Variants in TOB1 observed in about 807,000 individuals in gnomAD.
TOB1 encodes the protein transducer of ERBB2, 1.
TOB1 carries 2 observed loss-of-function variants against 22.9 expected under a neutral mutation model. The observed-to-expected ratio is 0.09, with a 90% CI of 0.04 to 0.28. The LOEUF is 0.28. Among genes scored for constraint, TOB1 ranks in the 10% least tolerant of loss-of-function variants. The pLI, the probability that TOB1 is intolerant of heterozygous loss-of-function variation, is 1.00. For synonymous variants in TOB1, 154 were observed against 150.6 expected, an observed-to-expected ratio of 1.02 and a Z score of -0.17; for missense variants, 299 against 420.5, an observed-to-expected ratio of 0.71 and a Z score of 2.53.
In TOB1 at chr17:50,864,998, C is replaced by T. The variant is rs531310206; in HGVS notation, c.-146-835G>A. On this transcript the variant is annotated intron_variant, in intron 1 of 1. Transcript: ENST00000499247. ...TTTTAAAAAACCTCCGTCTGTCCCT[C>T]TCTCCCTCCCTCCCTCTCACGGTAA... Among the ~76,000 whole-genome samples the T allele has an allele frequency of 2.3e-3, 353 of 152,308 alleles. 2 individuals are homozygous for T. Among genetic ancestry groups the T allele is most frequent in the African/African-American group, 8.4e-3 (348 of 41,544 alleles).
chr17:50,867,117 T>G (rs935283329), upstream of TOB1: 9 of 152,318 alleles, frequency 5.9e-5, no homozygotes, highest in African/African-American at 1.9e-4. Context: ...TTCCGCAGCC[T>G]CAGGCCTCCC....
At chr17:50,865,480 G>C (rs967580562) in intron 1 of TOB1, among the ~76,000 whole-genome samples, 1 of 152,136 alleles carries the variant, frequency 6.6e-6, no homozygotes, top group Non-Finnish European at 1.5e-5. Context: ...AGCAGCAACA[G>C]CAAGAGGAGG....
Position 50,865,477 on chromosome 17 carries a change from ACAG to A in TOB1, c.-147+578_-147+580del, listed in dbSNP as rs1304287224. On this transcript the variant is annotated intron_variant, in intron 1 of 1. Coordinates refer to ENST00000499247, the MANE Select transcript of TOB1 (RefSeq NM_005749.4). ...GAGCCCAAGCGCTACAGCAGCAGCA[ACAG>A]CAAGAGGAGGTGGAGGTGGAGGAGG... Among the ~76,000 whole-genome samples the A allele has an allele frequency of 2.6e-5, 4 of 152,116 alleles. No individual in the cohort carries two copies. In the East Asian group the frequency reaches 7.7e-4, roughly 29 times the overall value.
upstream of TOB1, chr17:50,867,507 G>C (rs1597991938): frequency 1.3e-5 from 2 of 152,180 alleles, no homozygotes; most frequent in Non-Finnish European, 2.9e-5. Context: ...TAGCAACGAC[G>C]CCTGATTGGC....
chr17:50,862,773 G>T lies in TOB1; in HGVS notation c.*207C>A. 1.6e-6 allele frequency: 1 copy of T among 621,576 alleles called. No individual in the cohort carries two copies. Among genetic ancestry groups the T allele is most frequent in the Non-Finnish European group, 2.5e-6 (1 of 405,158 alleles). The allele number at this position is 621,576 out of a possible 1,614,324, so 38.5% of individuals were successfully genotyped here. On this transcript the variant is annotated 3_prime_UTR_variant, in exon 2 of 2. Transcript: ENST00000499247. ...AAATACTGTAAGAGGCCATATCTGAGAGTATACTTTAAAATATACAGTCAG... is the reference window on the plus strand; with the variant it reads ...AAATACTGTAAGAGGCCATATCTGATAGTATACTTTAAAATATACAGTCAG...
upstream of TOB1, chr17:50,866,480 C>CCCGG (rs912738179): frequency 1.3e-5 from 2 of 152,332 alleles, no homozygotes. Context: ...GCGCTCCCCG[C>CCCGG]CCGGCACCCC....
rs376978015 is a variant in TOB1, at chr17:50,862,713, A to G, written c.*267T>C. ...AACCCACTTATTAGTGCCAATTTTTATAAAAAAAAATCAGCCATGTCCTTG... is the reference window on the plus strand; with the variant it reads ...AACCCACTTATTAGTGCCAATTTTTGTAAAAAAAAATCAGCCATGTCCTTG... On this transcript the variant is annotated 3_prime_UTR_variant, in exon 2 of 2. Transcript: ENST00000499247. The G allele has an allele frequency of 3.9e-4, 132 of 337,782 alleles. 1 individual carries two copies. In the East Asian group the frequency reaches 6.1e-3, roughly 15 times the overall value. The allele number at this position is 337,782 out of a possible 1,614,324, so 20.9% of individuals were successfully genotyped here.
chr17:50,862,920 GA>G lies in TOB1; in HGVS notation c.*59del, dbSNP rs546261730. ...TAAAAAAAAAAATTCTCAAGGAGGT[GA>G]AAAAAAAAATCCCCCTTGGGCCCGT... On this transcript the variant is annotated 3_prime_UTR_variant, in exon 2 of 2. Coordinates refer to ENST00000499247, the MANE Select transcript of TOB1 (RefSeq NM_005749.4). 1,833 of 1,373,600 alleles carry G rather than the reference GA, an allele frequency of 1.3e-3. No individual in the cohort carries two copies. Among genetic ancestry groups the G allele is most frequent in the South Asian group, 4.6e-3 (282 of 61,426 alleles). 85.1% of individuals were successfully genotyped at this position (1,373,600 alleles called of 1,614,324 possible).
rs965016181 is a variant in TOB1, at chr17:50,863,655, T to C, written c.363A>G (p.Gly121=). The change falls in exon 2 of 2, where the codon GGA becomes GGG. Residue 121 remains glycine (G), a synonymous_variant. Coordinates refer to ENST00000499247, the MANE Select transcript of TOB1 (RefSeq NM_005749.4). Reference sequence around the variant, plus strand: ...TTTTGATCTCCTTATCCAACTCACATCCATTTTCATTATTATCATCCACGT... The same window carrying C: ...TTTTGATCTCCTTATCCAACTCACACCCATTTTCATTATTATCATCCACGT... ...VLYVDDNNEN[G]CELDKEIKNS... 1 of 1,614,164 alleles carries C rather than the reference T, an allele frequency of 6.2e-7. No homozygotes were observed. The highest frequency in any genetic ancestry group is 8.5e-7 in the Non-Finnish European group (1 of 1,180,034).
intron 1 of TOB1, among the ~76,000 whole-genome samples, chr17:50,865,681 G>A (rs896166954): frequency 2.0e-5 from 3 of 151,888 alleles, no homozygotes; most frequent in African/African-American, 7.3e-5. Context: ...CCGGGCTCCT[G>A]GGAGCCGGCC....
chr17:50,862,958 T>G lies in TOB1; in HGVS notation c.*22A>C. ...CCCCTTGGGCCCGTGCATTTTAACTTGTACGATACATTTTCTTTTTTTTAG... is the reference window on the plus strand; with the variant it reads ...CCCCTTGGGCCCGTGCATTTTAACTGGTACGATACATTTTCTTTTTTTTAG... On this transcript the variant is annotated 3_prime_UTR_variant, in exon 2 of 2. Transcript: ENST00000499247. 4 of 1,573,286 alleles carry G rather than the reference T, an allele frequency of 2.5e-6. No individual in the cohort carries two copies. The highest frequency in any genetic ancestry group is 3.4e-6 in the Non-Finnish European group (4 of 1,161,784).
At chr17:50,866,869 G>A (rs1972320359), upstream of TOB1, 1 of 152,336 alleles carries the variant, frequency 6.6e-6, no homozygotes, top group Non-Finnish European at 1.5e-5. Flanking sequence ...CGGCCAAGGA[G>A]GATCCTGCTC....
chr17:50,866,680 T>G (rs1231589835), upstream of TOB1: 6 of 151,906 alleles, frequency 3.9e-5, no homozygotes, highest in Admixed American at 3.3e-4. Flanking sequence ...AAAGGGACTG[T>G]GGGGGCAGAC....
At chr17:50,865,286 T>C (rs1260256063) in intron 1 of TOB1, among the ~76,000 whole-genome samples, 1 of 152,194 alleles carries the variant, frequency 6.6e-6, no homozygotes, top group Non-Finnish European at 1.5e-5. Flanking sequence ...AAAGCCTGAG[T>C]GCCGGCAGAG....
At chr17:50,866,921 CG>C, upstream of TOB1, 1 of 152,478 alleles carries the variant, frequency 6.6e-6, no homozygotes, top group Middle Eastern at 3.4e-3. Context: ...ACCCCAGGGG[CG>C]GGGTAGAGAA....
At chr17:50,864,226 C>T (rs1368692577) in intron 1 of TOB1, 63 bp from the exon 2 acceptor site, 1 of 938,066 alleles carries the variant, frequency 1.1e-6, no homozygotes, top group East Asian at 3.4e-5. Context: ...TGACCTTCCC[C>T]CCTCCAAAGT....
chr17:50,867,829 G>C (rs1026880547), upstream of TOB1: 1 of 152,192 alleles, frequency 6.6e-6, no homozygotes, highest in African/African-American at 2.4e-5. Context: ...TCTACGGGGC[G>C]GGCCCGTGTA....
At position 50,863,675 on chromosome 17, in the gene TOB1, C is replaced by T. The variant is rs140363538; in HGVS notation, c.343G>A (p.Asp115Asn). Residue 115 changes from aspartate to asparagine, a missense_variant, in exon 2 of 2, where the codon GAT (aspartate) becomes AAT (asparagine). Asp to Asn is a conservative substitution (Grantham distance 23). Coordinates refer to ENST00000499247, the MANE Select transcript of TOB1 (RefSeq NM_005749.4). ...TCACATCCATTTTCATTATTATCAT[C>T]CACGTAAAGCACCTTCACTGGTCCC... ...EKGPVKVLYV[D>N]DNNENGCELD... 6.2e-7 allele frequency: 1 copy of T among 1,614,178 alleles called. No individual in the cohort carries two copies. The highest frequency in any genetic ancestry group is 1.6e-4 in the Middle Eastern group (1 of 6,062).
In TOB1 at chr17:50,862,940, G is replaced by A. The variant is rs1972235366; in HGVS notation, c.*40C>T. ...GAGGTGAAAAAAAAAATCCCCCTTG[G>A]GCCCGTGCATTTTAACTTGTACGAT... On this transcript the variant is annotated 3_prime_UTR_variant, in exon 2 of 2. Transcript: ENST00000499247. The A allele has an allele frequency of 6.5e-7, 1 of 1,532,318 alleles. No homozygotes were observed. Among genetic ancestry groups the A allele is most frequent in the Admixed American group, 2.1e-5 (1 of 46,794 alleles). 94.9% of individuals were successfully genotyped at this position (1,532,318 alleles called of 1,614,324 possible).
Sources: gnomAD v4.1 joint callset for allele counts (sites outside exome capture counted in the v4.1 genomes callset) on GRCh38, gnomAD v4.1.1 for gene constraint, MANE v1.5 for transcripts, NCBI Gene and HGNC (gene_info 2026-07-23, HGNC 2026-07-21) for gene names.